Variants in INTS2 observed in about 807,000 individuals in gnomAD.
The protein encoded by INTS2 is KIAA1287.
A neutral mutation model predicts 139.6 loss-of-function variants in INTS2; 57 were observed. The observed-to-expected ratio is 0.41, with a 90% CI of 0.33 to 0.51. The LOEUF (loss-of-function observed/expected upper bound fraction) is 0.51, where lower values mean the gene tolerates loss of function less well. INTS2 is among the 20% of genes least tolerant of loss of function. The pLI is 0.28. For missense variants in INTS2, 1,196 were observed against 1,436.7 expected (o/e 0.83, Z 2.71); for synonymous variants, 473 against 493.4 (o/e 0.96, Z 0.55).
In INTS2 at chr17:61,870,237, A is replaced by C. The variant is rs1474664310; in HGVS notation, c.2779-249T>G. ...TCTCCCGATAAAAATTAACATACAT[A>C]AACAAACATCATTACATAATGATAT... On this transcript the variant is annotated intron_variant, in intron 20 of 24. Transcript: ENST00000251334. This position sits in a 1 kb window ranked among gnomAD's most constrained non-coding sequence, Gnocchi z 4.4. 6.6e-6 allele frequency among the ~76,000 whole-genome samples: 1 copy of C among 152,226 alleles called. No individual in the cohort carries two copies. The highest frequency in any genetic ancestry group is 1.5e-5 in the Non-Finnish European group (1 of 68,028).
Position 61,873,207 on chromosome 17 carries a change from T to G in INTS2, c.2583-747A>C, listed in dbSNP as rs2145902780. On this transcript the variant is annotated intron_variant, in intron 19 of 24. Transcript: ENST00000251334. The surrounding 1 kb of genome is among the most constrained non-coding windows in gnomAD (Gnocchi z 4.0). ...TTGGGTTAAGCATAGCTCTATAAAATGGAATACCATATAGCCAATTAAGAT... is the reference window on the plus strand; with the variant it reads ...TTGGGTTAAGCATAGCTCTATAAAAGGGAATACCATATAGCCAATTAAGAT... Among the ~76,000 whole-genome samples, 1 of 152,088 alleles carries G rather than the reference T, an allele frequency of 6.6e-6. No homozygotes were observed. Among genetic ancestry groups the G allele is most frequent in the Non-Finnish European group, 1.5e-5 (1 of 67,986 alleles).
At chr17:61,900,583 A>ACT (rs1421136052) in intron 9 of INTS2, among the ~76,000 whole-genome samples, 28 of 152,128 alleles carry the variant, frequency 1.8e-4, no homozygotes, top group African/African-American at 6.8e-4. Context: ...AATCTTTAGA[A>ACT]CTCTGATCAG....
intron 9 of INTS2, among the ~76,000 whole-genome samples, chr17:61,899,687 G>A (rs1376376865): frequency 1.3e-5 from 2 of 152,006 alleles, no homozygotes; most frequent in African/African-American, 4.8e-5. Flanking sequence ...AAGACAGGAG[G>A]ATAGCTTGAG....
At chr17:61,916,869 G>C (rs2079587902) in intron 5 of INTS2, among the ~76,000 whole-genome samples, 1 of 152,116 alleles carries the variant, frequency 6.6e-6, no homozygotes, top group Non-Finnish European at 1.5e-5. Context: ...TCTACAGAAT[G>C]GGAGAAAATA....
chr17:61,872,211 C>T lies in INTS2; in HGVS notation c.2778+54G>A. 1 of 1,248,232 alleles carries T rather than the reference C, an allele frequency of 8.0e-7. No homozygotes were observed. 77.3% of individuals were successfully genotyped at this position (1,248,232 alleles called of 1,614,324 possible). On this transcript the variant is annotated intron_variant, in intron 20 of 24. Transcript: ENST00000251334. The surrounding 1 kb of genome is among the most constrained non-coding windows in gnomAD (Gnocchi z 4.8). ...TGTGCCATCTATTGAACTGATTATA[C>T]TAGTAGAGAAGCCCTTGCTCTTTTT...
At chr17:61,924,366 C>G (rs1301921846) in intron 3 of INTS2, among the ~76,000 whole-genome samples, 3 of 152,084 alleles carry the variant, frequency 2.0e-5, no homozygotes, top group South Asian at 2.1e-4. Context: ...TTCTAAATGT[C>G]AAGAAGCCAC....
chr17:61,920,951 AT>A lies in INTS2; in HGVS notation c.535+773del, dbSNP rs1394187065. ...AGGTATACACCACCACACTAGGCTA[AT>A]TTTTTTCATTTTGGTAGAGACAAGG... On this transcript the variant is annotated intron_variant, in intron 4 of 24. Coordinates refer to ENST00000251334, the MANE Select transcript of INTS2 (RefSeq NM_001351695.2). Among the ~76,000 whole-genome samples the A allele has an allele frequency of 9.2e-5, 14 of 152,096 alleles. 1 individual carries two copies. In the South Asian group the frequency reaches 2.9e-3, roughly 32 times the overall value.
chr17:61,923,309 C>G (rs1325326801), intron 3 of INTS2, among the ~76,000 whole-genome samples: 1 of 151,206 alleles, frequency 6.6e-6, no homozygotes, highest in Non-Finnish European at 1.5e-5. Flanking sequence ...AACCCCGTCT[C>G]TACTAAAAAT....
intron 7 of INTS2, among the ~76,000 whole-genome samples, 170 bp from the exon 8 acceptor site, chr17:61,907,804 G>C (rs529264106): frequency 6.6e-6 from 1 of 152,292 alleles, no homozygotes; most frequent in South Asian, 2.1e-4. Flanking sequence ...AAATCCACTA[G>C]TTTGTCTGAA....
At chr17:61,884,526 A>G (rs1004176551) in intron 16 of INTS2, among the ~76,000 whole-genome samples, 1 of 151,964 alleles carries the variant, frequency 6.6e-6, no homozygotes, top group Non-Finnish European at 1.5e-5. Flanking sequence ...CAAAAGAGGT[A>G]GTGTACAATA....
intron 5 of INTS2, among the ~76,000 whole-genome samples, chr17:61,914,543 C>T (rs1001018790): frequency 2.7e-4 from 41 of 151,730 alleles, no homozygotes; most frequent in African/African-American, 9.7e-4. Context: ...ACTAAAAATA[C>T]AAAAAAATTA....
At position 61,882,948 on chromosome 17, in the gene INTS2, G is replaced by A. The variant is rs1008735239; in HGVS notation, c.2090-1777C>T. Among the ~76,000 whole-genome samples the A allele has an allele frequency of 9.9e-5, 15 of 152,072 alleles. No individual in the cohort carries two copies. Among genetic ancestry groups the A allele is most frequent in the Admixed American group, 9.8e-4 (15 of 15,266 alleles). On this transcript the variant is annotated intron_variant, in intron 16 of 24. Coordinates refer to ENST00000251334, the MANE Select transcript of INTS2 (RefSeq NM_001351695.2). This position sits in a 1 kb window ranked among gnomAD's most constrained non-coding sequence, Gnocchi z 4.7. ...CAAATGATACCACTGCTTTATCCCAGTAGAAACAATACGCAATTCCGTTCT... is the reference window on the plus strand; with the variant it reads ...CAAATGATACCACTGCTTTATCCCAATAGAAACAATACGCAATTCCGTTCT...
At position 61,869,725 on chromosome 17, in the gene INTS2, T is replaced by G; in HGVS notation, c.3030+12A>C. On this transcript the variant is annotated intron_variant, in intron 21 of 24. Coordinates refer to ENST00000251334, the MANE Select transcript of INTS2 (RefSeq NM_001351695.2). The surrounding 1 kb of genome is among the most constrained non-coding windows in gnomAD (Gnocchi z 5.4). ...AAGTTCAAACACAAAGCATCATTCT[T>G]TGGAAACAGACCTGAAAGTGAACAA... 1.2e-6 allele frequency: 2 copies of G among 1,610,500 alleles called. No homozygotes were observed. Among genetic ancestry groups the G allele is most frequent in the Non-Finnish European group, 1.7e-6 (2 of 1,177,130 alleles).
At chr17:61,880,781 G>A in intron 17 of INTS2, among the ~76,000 whole-genome samples, 1 of 133,340 alleles carries the variant, frequency 7.5e-6, no homozygotes, top group Non-Finnish European at 1.6e-5. Flanking sequence ...GGAAAAGGGG[G>A]AAAGGGGGAA....
chr17:61,904,096 T>C (rs558742305), intron 9 of INTS2, among the ~76,000 whole-genome samples: 3 of 152,250 alleles, frequency 2.0e-5, no homozygotes, highest in Admixed American at 2.0e-4. Context: ...AATGTACATA[T>C]ATAAGATAAA....
At chr17:61,899,174 AT>A (rs1303984571) in intron 9 of INTS2, among the ~76,000 whole-genome samples, 2 of 152,224 alleles carry the variant, frequency 1.3e-5, no homozygotes, top group Non-Finnish European at 2.9e-5. Flanking sequence ...ATCTCTGCTA[AT>A]TACTGGTAGT....
intron 3 of INTS2, among the ~76,000 whole-genome samples, chr17:61,923,477 CAAAAAAAAAAAAA>C (rs933124889): frequency 3.3e-5 from 1 of 30,680 alleles, no homozygotes; most frequent in Non-Finnish European, 6.0e-5. Context: ...ACTCTGTCTC[CAAAAAAAAAAAAA>C]AAAAAAAAAA....
In INTS2 at chr17:61,922,383, G is replaced by T. The variant is rs368208684; in HGVS notation, c.433-556C>A. ...CTCAGGAGGCTGAGGCAGGAGAATC[G>T]CTTGAACCCGGGAGGTGGAGGCTGC... On this transcript the variant is annotated intron_variant, in intron 3 of 24. Transcript: ENST00000251334. Among the ~76,000 whole-genome samples, 463 of 147,882 alleles carry T rather than the reference G, an allele frequency of 3.1e-3. 6 individuals are homozygous for T. Among genetic ancestry groups the T allele is most frequent in the African/African-American group, 0.011 (448 of 40,130 alleles).
Position 61,868,107 on chromosome 17 carries a change from A to G in INTS2, c.3245-98T>C, listed in dbSNP as rs2079060984. 1 of 991,768 alleles carries G rather than the reference A, an allele frequency of 1.0e-6. No homozygotes were observed. The allele number at this position is 991,768 out of a possible 1,614,324, so 61.4% of individuals were successfully genotyped here. A position where few individuals can be genotyped will look rare whatever the true frequency, so the allele number is the denominator to read the frequency against. On this transcript the variant is annotated intron_variant, in intron 23 of 24. Transcript: ENST00000251334. The surrounding 1 kb of genome is among the most constrained non-coding windows in gnomAD (Gnocchi z 4.7). ...GGGAACTATGCTCTGTGCTGGAGAT[A>G]TGAAGTTCTCTAAACACAGCCAACC...
Sources: gnomAD v4.1 joint callset for allele counts (sites outside exome capture counted in the v4.1 genomes callset) on GRCh38, gnomAD v4.1.1 for gene constraint, Gnocchi (gnomAD v3.1) non-coding constraint, MANE v1.5 for transcripts, NCBI Gene and HGNC (gene_info 2026-07-23, HGNC 2026-07-21) for gene names.